The following ESR2 variants were observed in gnomAD, a reference collection of about 807,000 sequenced individuals.
ESR2 encodes estrogen receptor beta.
ESR2 carries 36 observed loss-of-function variants against 49.6 expected under a neutral mutation model. That is an observed-to-expected ratio of 0.73 (90% CI 0.56 to 0.96). ESR2 has a LOEUF of 0.96. ESR2 is among the 40% of genes least tolerant of loss of function. The pLI is 0.00. For missense variants in ESR2, 714 were observed against 693.0 expected (o/e 1.03, Z -0.34); for synonymous variants, 320 against 266.1 (o/e 1.20, Z -1.97).
chr14:64,325,783 T>G (rs543651771), intron 1 of ESR2, among the ~76,000 whole-genome samples: 2 of 152,182 alleles, frequency 1.3e-5, no homozygotes, highest in African/African-American at 4.8e-5. Context: ...ACTTAATGAT[T>G]AGTAAATATA....
intron 1 of ESR2, among the ~76,000 whole-genome samples, chr14:64,304,852 G>T (rs1175976449): frequency 6.6e-6 from 1 of 151,828 alleles, no homozygotes; most frequent in African/African-American, 2.4e-5. Context: ...CTCTAGCCTG[G>T]GCAACAGAGC....
chr14:64,262,458 A>G (rs910725280), intron 4 of ESR2, among the ~76,000 whole-genome samples: 4 of 152,228 alleles, frequency 2.6e-5, no homozygotes, highest in African/African-American at 9.6e-5. Flanking sequence ...TGGAACCAAA[A>G]TAACAAACAA....
rs930429751 is a variant in ESR2 at position 64,233,382 on chromosome 14, A to C, written c.1407-59T>G. On this transcript the variant is annotated intron_variant, in intron 8 of 8. Transcript: ENST00000341099. ...TCCGAGGCAGCCACAGGAACCCCGA[A>C]GCCTTCCCCGGCTCTCTTTGCTCAG... 3.2e-6 allele frequency: 5 copies of C among 1,540,550 alleles called. No homozygotes were observed. The Admixed American group carries it at 8.6e-5, about 26-fold the overall frequency.
intron 5 of ESR2, among the ~76,000 whole-genome samples, chr14:64,258,685 T>G (rs1266851817): frequency 6.6e-6 from 1 of 152,226 alleles, no homozygotes; most frequent in Non-Finnish European, 1.5e-5. Flanking sequence ...AATGGTGTTA[T>G]GAATGTAAAG....
intron 5 of ESR2, chr14:64,260,115 G>T (rs576680307): frequency 1.6e-4 from 85 of 523,742 alleles, no homozygotes; most frequent in African/African-American, 1.5e-3. Flanking sequence ...GATAGGGTTT[G>T]TGCAAGGTGG....
intron 7 of ESR2, among the ~76,000 whole-genome samples, chr14:64,235,421 G>A (rs1035205300): frequency 5.3e-5 from 8 of 152,346 alleles, no homozygotes; most frequent in East Asian, 1.9e-4. Flanking sequence ...TGGCCTTGCC[G>A]TGGCGAGTAT....
chr14:64,261,233 T>TTTC (rs1341722113), intron 4 of ESR2, among the ~76,000 whole-genome samples: 2,080 of 23,454 alleles, frequency 0.089, 85 homozygotes, highest in African/African-American at 0.17. Context: ...TTTATTTTTC[T>TTTC]TTTTTCTTTT....
chr14:64,308,047 C>T (rs2077131718), intron 1 of ESR2, among the ~76,000 whole-genome samples: 2 of 151,598 alleles, frequency 1.3e-5, no homozygotes, highest in African/African-American at 4.9e-5. Context: ...CGGGGTCTTG[C>T]TTTGTCACAC....
chr14:64,282,401 T>G (rs1433191664), intron 2 of ESR2, among the ~76,000 whole-genome samples: 1 of 152,152 alleles, frequency 6.6e-6, no homozygotes, highest in Admixed American at 6.5e-5. Flanking sequence ...ACAATAGTCA[T>G]GATAGCAAAT....
intron 1 of ESR2, chr14:64,335,959 C>T (rs1186455995): frequency 6.6e-6 from 1 of 150,720 alleles, no homozygotes; most frequent in Non-Finnish European, 1.5e-5. Context: ...CGTCCGCCAC[C>T]ACGCCCAGCT....
intron 3 of ESR2, among the ~76,000 whole-genome samples, chr14:64,279,191 T>C (rs571142926): frequency 7.9e-4 from 120 of 152,322 alleles, no homozygotes; most frequent in Non-Finnish European, 1.1e-3. Flanking sequence ...GCTGAATCAA[T>C]GTACATCTTA....
At chr14:64,259,633 G>C (rs2076171426) in intron 5 of ESR2, among the ~76,000 whole-genome samples, 1 of 152,168 alleles carries the variant, frequency 6.6e-6, no homozygotes. Flanking sequence ...GATCACTTTG[G>C]AGGATGGAAA....
At chr14:64,287,156 CA>C (rs1277737956) in intron 1 of ESR2, among the ~76,000 whole-genome samples, 1 of 151,992 alleles carries the variant, frequency 6.6e-6, no homozygotes, top group African/African-American at 2.4e-5. Flanking sequence ...CTCTAGAACT[CA>C]TTTCATCTTG....
At chr14:64,299,328 C>T (rs1055395263), upstream of ESR2, among the ~76,000 whole-genome samples, 1 of 151,520 alleles carries the variant, frequency 6.6e-6, no homozygotes, top group Non-Finnish European at 1.5e-5. Flanking sequence ...TGGAAAGTTA[C>T]TATAACTGCC....
At chr14:64,302,910 T>C (rs1292817116) in intron 1 of ESR2, among the ~76,000 whole-genome samples, 1 of 152,138 alleles carries the variant, frequency 6.6e-6, no homozygotes. Context: ...GCGATTCTCC[T>C]GCCTCAGCCT....
At chr14:64,257,740 G>C (rs890002704) in intron 5 of ESR2, among the ~76,000 whole-genome samples, 1 of 151,976 alleles carries the variant, frequency 6.6e-6, no homozygotes, top group Non-Finnish European at 1.5e-5. Context: ...GGGATCAGAA[G>C]GGGTGGGGGA....
intron 3 of ESR2, among the ~76,000 whole-genome samples, chr14:64,275,273 T>C (rs926959943): frequency 1.3e-5 from 2 of 152,232 alleles, no homozygotes; most frequent in African/African-American, 4.8e-5. Flanking sequence ...ATCTGTGTGC[T>C]CCAGACATAT....
At chr14:64,292,367 C>A (rs1327010995) in intron 1 of ESR2, among the ~76,000 whole-genome samples, 1 of 152,150 alleles carries the variant, frequency 6.6e-6, no homozygotes, top group African/African-American at 2.4e-5. Context: ...GGTAATGGAA[C>A]TGTTCTGTGT....
At chr14:64,302,706 A>T (rs1016252378) in intron 1 of ESR2, among the ~76,000 whole-genome samples, 2 of 152,206 alleles carry the variant, frequency 1.3e-5, no homozygotes, top group Non-Finnish European at 2.9e-5. Flanking sequence ...TATCATCCCC[A>T]CTTTACAGGA....
Sources: gnomAD v4.1 joint callset for allele counts (sites outside exome capture counted in the v4.1 genomes callset) on GRCh38, gnomAD v4.1.1 for gene constraint, MANE v1.5 for transcripts, NCBI Gene and HGNC (gene_info 2026-07-23, HGNC 2026-07-21) for gene names.